The following ADARB2 variants were observed in gnomAD, a reference collection of about 807,000 sequenced individuals.
ADARB2 encodes inactive double-stranded RNA-specific editase B2.
In ADARB2, 25 loss-of-function variants were observed where a neutral mutation model predicts 62.2. That is an observed-to-expected ratio of 0.40 (90% confidence interval 0.29 to 0.56). The LOEUF is 0.56. Among genes scored for constraint, ADARB2 ranks in the 20% least tolerant of loss-of-function variants. ADARB2 has a pLI of 0.43. For missense variants in ADARB2, 1,071 were observed against 1,077.4 expected (o/e 0.99, Z 0.08); for synonymous variants, 572 against 500.8 (o/e 1.14, Z -1.90).
At chr10:1,508,184 T>C (rs1460654008) in intron 1 of ADARB2, among the ~76,000 whole-genome samples, 1 of 152,164 alleles carries the variant, frequency 6.6e-6, no homozygotes, top group Non-Finnish European at 1.5e-5. Flanking sequence ...TAGGATGCGT[T>C]TGAGGGCCCC....
chr10:1,678,012 T>C (rs1474127878), intron 1 of ADARB2, among the ~76,000 whole-genome samples: 1 of 152,234 alleles, frequency 6.6e-6, no homozygotes, highest in Non-Finnish European at 1.5e-5. Flanking sequence ...CCCTGTAAAC[T>C]TGGATTCTGA....
intron 1 of ADARB2, among the ~76,000 whole-genome samples, chr10:1,715,991 C>G (rs907198999): frequency 1.9e-4 from 29 of 152,220 alleles, no homozygotes; most frequent in African/African-American, 7.0e-4. Flanking sequence ...TCACGCCCAG[C>G]TGCTGTATGC....
intron 3 of ADARB2, among the ~76,000 whole-genome samples, chr10:1,351,009 G>A (rs970517168): frequency 6.6e-6 from 1 of 152,058 alleles, no homozygotes; most frequent in Non-Finnish European, 1.5e-5. Context: ...CCGTTTACCC[G>A]AGAAGCTTGC....
chr10:1,335,277 A>G (rs559309897), intron 3 of ADARB2, among the ~76,000 whole-genome samples: 18 of 144,190 alleles, frequency 1.2e-4, no homozygotes, highest in Non-Finnish European at 2.6e-4. Context: ...GATGGAGGAA[A>G]GAATGGAGGA....
intron 7 of ADARB2, chr10:1,216,193 G>A (rs1564223655): frequency 1.3e-5 from 2 of 151,506 alleles, no homozygotes; most frequent in Non-Finnish European, 2.9e-5. Context: ...GGTTGGGGGA[G>A]GTCTTAGGGT....
At chr10:1,242,436 G>A (rs1830935050) in intron 4 of ADARB2, 137 bp from the exon 5 acceptor site, 5 of 1,208,004 alleles carry the variant, frequency 4.1e-6, no homozygotes, top group Non-Finnish European at 4.5e-6. Context: ...GAGCTGGGAA[G>A]CGAGGCTTCT....
chr10:1,195,827 C>G (rs912502542), intron 8 of ADARB2, among the ~76,000 whole-genome samples: 10 of 152,194 alleles, frequency 6.6e-5, no homozygotes, highest in African/African-American at 2.4e-4. Context: ...ATGGTGGGGG[C>G]CAGTTGGCTT....
In ADARB2 at chr10:1,363,553, C is replaced by T; in HGVS notation, c.552G>A (p.Leu184=). 1 of 1,566,584 alleles carries T rather than the reference C, an allele frequency of 6.4e-7. No individual in the cohort carries two copies. Among genetic ancestry groups the T allele is most frequent in the Non-Finnish European group, 8.6e-7 (1 of 1,157,948 alleles). Residue 184 remains leucine, a synonymous_variant, in exon 3 of 10, where the codon CTG becomes CTA. Transcript: ENST00000381312. ...GGAACTGCACGAAGGACCTGAGTGC[C>T]AGCTCCGCCGCGCGCATCTTGGCCT... ...KKKAKMRAAE[L]ALRSFVQFPN...
intron 1 of ADARB2, among the ~76,000 whole-genome samples, chr10:1,631,418 T>G (rs539598342): frequency 6.6e-6 from 1 of 152,278 alleles, no homozygotes; most frequent in African/African-American, 2.4e-5. Context: ...CTGGGCAGGC[T>G]CGGGCTCAGG....
chr10:1,736,697 A>G (rs1294260905), intron 1 of ADARB2, among the ~76,000 whole-genome samples: 1 of 152,096 alleles, frequency 6.6e-6, no homozygotes, highest in Non-Finnish European at 1.5e-5. Context: ...GCACTGGGAG[A>G]CGAGATGGCC....
intron 1 of ADARB2, among the ~76,000 whole-genome samples, chr10:1,396,510 T>A (rs181175006): frequency 6.6e-6 from 1 of 152,190 alleles, no homozygotes; most frequent in Non-Finnish European, 1.5e-5. Context: ...GCTCCTGTCC[T>A]GCTCCATTTC....
intron 3 of ADARB2, among the ~76,000 whole-genome samples, chr10:1,327,301 C>G (rs1284481531): frequency 4.5e-5 from 2 of 44,250 alleles, no homozygotes; most frequent in Admixed American, 2.0e-4. Flanking sequence ...CAGCGCCTCC[C>G]CACGGCACAG....
At chr10:1,621,425 T>C (rs1833702903) in intron 1 of ADARB2, among the ~76,000 whole-genome samples, 1 of 151,828 alleles carries the variant, frequency 6.6e-6, no homozygotes, top group East Asian at 1.9e-4. Context: ...TCTTTCTTTT[T>C]TTTTTTTTGA....
intron 1 of ADARB2, among the ~76,000 whole-genome samples, chr10:1,594,159 G>A (rs138628017): frequency 1.3e-5 from 2 of 152,042 alleles, no homozygotes; most frequent in Admixed American, 6.5e-5. Flanking sequence ...GCATGGTGGC[G>A]GGCGCCTGTA....
At chr10:1,332,585 A>G (rs1831940047) in intron 3 of ADARB2, among the ~76,000 whole-genome samples, 1 of 151,650 alleles carries the variant, frequency 6.6e-6, no homozygotes, top group African/African-American at 2.4e-5. Flanking sequence ...TGAGAATTCA[A>G]AAGTCTTCCA....
rs143810304 is a variant in ADARB2 at position 1,510,093 on chromosome 10, CTCTT to C, written c.101-130937_101-130934del. Among the ~76,000 whole-genome samples, 1,100 of 136,308 alleles carry C rather than the reference CTCTT, an allele frequency of 8.1e-3. 38 individuals carry two copies. Among genetic ancestry groups the C allele is most frequent in the Admixed American group, 0.062 (822 of 13,192 alleles). 89.4% of individuals were successfully genotyped at this position (136,308 alleles called of 152,430 possible). ...TCTTTCTTTCTCTTTCTCTCTCTCT[CTCTT>C]TTCTTTCTTTCTCTCTTTCTTTCTT... is the stretch of plus-strand genomic sequence containing the variant. On this transcript the variant is annotated intron_variant, in intron 1 of 9. Transcript: ENST00000381312.
intron 1 of ADARB2, among the ~76,000 whole-genome samples, chr10:1,415,917 T>C (rs568786162): frequency 5.4e-4 from 83 of 152,338 alleles, no homozygotes; most frequent in African/African-American, 1.9e-3. Context: ...AGTCATATTA[T>C]AGAGCCTGGA....
chr10:1,510,121 T>TTTC (rs1257427569), intron 1 of ADARB2, among the ~76,000 whole-genome samples: 19 of 115,680 alleles, frequency 1.6e-4, no homozygotes, highest in African/African-American at 6.8e-4. Flanking sequence ...TCTTTCTTTC[T>TTTC]TTCTTTCTTT....
intron 3 of ADARB2, among the ~76,000 whole-genome samples, chr10:1,316,343 C>T (rs1384801745): frequency 1.3e-5 from 2 of 152,234 alleles, no homozygotes; most frequent in African/African-American, 4.8e-5. Context: ...AGTCCAGGCT[C>T]GCCTCACCCA....
Sources: gnomAD v4.1 joint callset for allele counts (sites outside exome capture counted in the v4.1 genomes callset) on GRCh38, gnomAD v4.1.1 for gene constraint, MANE v1.5 for transcripts, NCBI Gene and HGNC (gene_info 2026-07-23, HGNC 2026-07-21) for gene names.